Variants in ZNF710 observed in about 807,000 individuals in gnomAD.
The protein encoded by ZNF710 is zinc finger protein 710.
A neutral mutation model predicts 50.6 loss-of-function variants in ZNF710; 13 were observed. The ratio of observed to expected loss-of-function variants is 0.26; its 90% CI spans 0.17 to 0.41. The LOEUF (loss-of-function observed/expected upper bound fraction) is 0.41. Ranked by LOEUF, ZNF710 falls within the 10% of genes least tolerant of loss-of-function variation. The pLI is 1.00. For synonymous variants in ZNF710, 383 were observed against 397.0 expected, an observed-to-expected ratio of 0.96 and a Z score of 0.42; for missense variants, 721 against 936.6, an observed-to-expected ratio of 0.77 and a Z score of 3.01.
At chr15:90,031,549 T>G (rs962057682) in intron 1 of ZNF710, among the ~76,000 whole-genome samples, 3 of 152,244 alleles carry the variant, frequency 2.0e-5, no homozygotes, top group African/African-American at 7.2e-5. Flanking sequence ...AACTCTGGTC[T>G]CTCAACACCA....
At chr15:90,030,764 C>T (rs1244181507) in intron 1 of ZNF710, among the ~76,000 whole-genome samples, 1 of 151,958 alleles carries the variant, frequency 6.6e-6, no homozygotes, top group African/African-American at 2.4e-5. Context: ...CGCCTGTAAT[C>T]CCAGCTCTTT....
chr15:90,003,616 A>C (rs1898069603), intron 1 of ZNF710, among the ~76,000 whole-genome samples: 1 of 152,226 alleles, frequency 6.6e-6, no homozygotes, highest in Non-Finnish European at 1.5e-5. Flanking sequence ...GATAAGAGAC[A>C]GTGTATTCCT....
chr15:90,053,068 C>G (rs1199800915), intron 1 of ZNF710, among the ~76,000 whole-genome samples: 1 of 152,256 alleles, frequency 6.6e-6, no homozygotes, highest in Non-Finnish European at 1.5e-5. Context: ...GGCAACCTTT[C>G]ATTCTGCCTT....
At chr15:90,045,339 G>A in intron 1 of ZNF710, 1 of 985,454 alleles carries the variant, frequency 1.0e-6, no homozygotes, top group Non-Finnish European at 1.2e-6. Flanking sequence ...GCTGGAAATG[G>A]CGGATGGCTT....
At chr15:90,029,701 C>T (rs990548533) in intron 1 of ZNF710, among the ~76,000 whole-genome samples, 3 of 152,106 alleles carry the variant, frequency 2.0e-5, no homozygotes, top group Non-Finnish European at 2.9e-5. Context: ...CTACAACCTC[C>T]ACCTCCGGGT....
intron 1 of ZNF710, among the ~76,000 whole-genome samples, chr15:90,021,160 G>A (rs74755812): frequency 0.015 from 2,295 of 152,276 alleles, 62 homozygotes; most frequent in African/African-American, 0.052. Flanking sequence ...TCTCAACTGC[G>A]TCCTTTGTTG....
chr15:90,052,120 A>T (rs1006139655), intron 1 of ZNF710, among the ~76,000 whole-genome samples: 1 of 151,954 alleles, frequency 6.6e-6, no homozygotes, highest in African/African-American at 2.4e-5. Context: ...CTTTTAGTGG[A>T]GGACTACCAA....
rs148898032 is a variant in ZNF710, at chr15:90,080,710, G to C, written c.*881G>C. Reference sequence around the variant, plus strand: ...GGACCACCTGTCGGGGAGGGGGACCGCAGTCATTTCTCATTCCTCAGTGTC... The same window carrying C: ...GGACCACCTGTCGGGGAGGGGGACCCCAGTCATTTCTCATTCCTCAGTGTC... On this transcript the variant is annotated 3_prime_UTR_variant, in exon 5 of 5. Coordinates refer to ENST00000268154, the MANE Select transcript of ZNF710 (RefSeq NM_198526.4). 6.6e-6 allele frequency: 1 copy of C among 152,354 alleles called. No homozygotes were observed. The allele number at this position is 152,354 out of a possible 1,614,324, so 9.4% of individuals were successfully genotyped here.
In ZNF710 at chr15:90,078,053, C is replaced by A. The variant is rs906310933; in HGVS notation, c.1826-1607C>A. 5.3e-5 allele frequency among the ~76,000 whole-genome samples: 8 copies of A among 151,414 alleles called. No individual in the cohort carries two copies. The East Asian group carries it at 1.5e-3, about 29-fold the overall frequency. ...AGAAACCCCGTCTCTACTAAAAATA[C>A]AAAAAAAATTAGCCGGGTATGGTGG... On this transcript the variant is annotated intron_variant, in intron 4 of 4. Coordinates refer to ENST00000268154, the MANE Select transcript of ZNF710 (RefSeq NM_198526.4).
Position 90,062,193 on chromosome 15 carries a change from CTCT to C in ZNF710, c.-28-4914_-28-4912del, listed in dbSNP as rs1459952568. On this transcript the variant is annotated intron_variant, in intron 1 of 4. Coordinates refer to ENST00000268154, the MANE Select transcript of ZNF710 (RefSeq NM_198526.4). The surrounding 1 kb of genome is among the most constrained non-coding windows in gnomAD (Gnocchi z 5.6). Reference sequence around the variant, plus strand: ...TCCTCCTCTGCCCCCCCTTCCCTGTCTCTTCATTTCTTCTCTCCCTCTCCCTTT... The same window carrying C: ...TCCTCCTCTGCCCCCCCTTCCCTGTCTCATTTCTTCTCTCCCTCTCCCTTT... 3.4e-5 allele frequency among the ~76,000 whole-genome samples: 5 copies of C among 147,090 alleles called. No individual in the cohort carries two copies. Among genetic ancestry groups the C allele is most frequent in the African/African-American group, 1.3e-4 (5 of 39,960 alleles).
chr15:90,045,306 A>C (rs986709953), intron 1 of ZNF710: 2 of 985,048 alleles, frequency 2.0e-6, no homozygotes, highest in Non-Finnish European at 2.4e-6. Flanking sequence ...AGCCTGGTCA[A>C]CTGGAACAGC....
At chr15:90,050,660 G>A (rs1171458789) in intron 1 of ZNF710, among the ~76,000 whole-genome samples, 3 of 152,222 alleles carry the variant, frequency 2.0e-5, no homozygotes, top group African/African-American at 7.2e-5. Flanking sequence ...AGACCAAGGT[G>A]TGAGTGGTGG....
At position 90,068,323 on chromosome 15, in the gene ZNF710, G is replaced by A. The variant is rs1191742819; in HGVS notation, c.1186G>A (p.Ala396Thr). ...CTTCGCCTACCCCAGCGAGCTCAAG[G>A]CCCACGAAGTGAAGCATGAGAGTGG... ...RGFAYPSELK[A>T]HEVKHESGRC... Residue 396 changes from alanine (A) to threonine (T), a missense_variant, in exon 2 of 5, where the codon GCC becomes ACC. Coordinates refer to ENST00000268154, the MANE Select transcript of ZNF710 (RefSeq NM_198526.4). This position sits in a 1 kb window ranked among gnomAD's most constrained non-coding sequence, Gnocchi z 5.0. The A allele has an allele frequency of 4.3e-6, 7 of 1,612,924 alleles. No homozygotes were observed. The East Asian group carries it at 1.6e-4, about 36-fold the overall frequency.
In ZNF710 at chr15:90,049,739, G is replaced by A. The variant is rs958558374; in HGVS notation, c.-28-17371G>A. On this transcript the variant is annotated intron_variant, in intron 1 of 4. Coordinates refer to ENST00000268154, the MANE Select transcript of ZNF710 (RefSeq NM_198526.4). ...CCCACTGCCCTCTGGTTCTCCTCCC[G>A]CCTCTCCTCTACCCTGCAGCCAACA... is the stretch of plus-strand genomic sequence containing the variant. Among the ~76,000 whole-genome samples the A allele has an allele frequency of 3.9e-5, 6 of 152,172 alleles. No homozygotes were observed. The East Asian group carries it at 1.2e-3, about 29-fold the overall frequency.
intron 1 of ZNF710, among the ~76,000 whole-genome samples, chr15:90,039,527 C>G (rs1899235858): frequency 6.6e-6 from 1 of 152,150 alleles, no homozygotes; most frequent in Non-Finnish European, 1.5e-5. Context: ...CTCCTGGATC[C>G]AATACGTGCT....
At chr15:90,012,855 A>G (rs1898351359) in intron 1 of ZNF710, among the ~76,000 whole-genome samples, 1 of 151,584 alleles carries the variant, frequency 6.6e-6, no homozygotes, top group Non-Finnish European at 1.5e-5. Flanking sequence ...CTGGGTTTCT[A>G]TTTTATTATT....
intron 1 of ZNF710, among the ~76,000 whole-genome samples, chr15:90,017,958 G>A (rs1055390261): frequency 1.3e-5 from 2 of 151,344 alleles, no homozygotes; most frequent in South Asian, 2.1e-4. Flanking sequence ...GGGCTCCAGG[G>A]CATCTCTCTT....
Position 90,067,331 on chromosome 15 carries a change from A to C in ZNF710, c.194A>C (p.Asp65Ala), listed in dbSNP as rs1260046170. 5.6e-6 allele frequency: 9 copies of C among 1,603,950 alleles called. No homozygotes were observed. Among genetic ancestry groups the C allele is most frequent in the Non-Finnish European group, 7.7e-6 (9 of 1,175,290 alleles). ...GGAGAGCCCGAGCCACCAGGCCCCG[A>C]CGTCTACCAGCTGGCCTGCAACGGG... Reference protein sequence around the residue: ...AMGEPEPPGPDVYQLACNGRA... With the variant: ...AMGEPEPPGPAVYQLACNGRA... The change falls in exon 2 of 5, where the codon GAC becomes GCC. Residue 65 changes from aspartate to alanine, a missense_variant. Physicochemically the swap from Asp to Ala is moderately radical, Grantham distance 126. Around this residue, in one of 3 missense-constraint regions of ZNF710, gnomAD observed 326 missense variants for 347.1 expected, o/e 0.94. Transcript: ENST00000268154. This position sits in a 1 kb window ranked among gnomAD's most constrained non-coding sequence, Gnocchi z 8.1.
At chr15:90,072,935 C>T in intron 2 of ZNF710, 136 bp from the exon 3 acceptor site, 4 of 885,752 alleles carry the variant, frequency 4.5e-6, no homozygotes, top group East Asian at 2.7e-5. Context: ...TTTTGGAATA[C>T]CCTCAAAAAG....
Sources: gnomAD v4.1 joint callset for allele counts (sites outside exome capture counted in the v4.1 genomes callset) on GRCh38, gnomAD v4.1.1 for gene constraint, gnomAD v4.1.1 regional missense constraint, Gnocchi (gnomAD v3.1) non-coding constraint, MANE v1.5 for transcripts, NCBI Gene and HGNC (gene_info 2026-07-23, HGNC 2026-07-21) for gene names.